Variants in RPS6KA6 observed in about 807,000 individuals in gnomAD.
RPS6KA6 encodes ribosomal protein S6 kinase A6.
A neutral mutation model predicts 65.4 loss-of-function variants in RPS6KA6; 27 were observed. That is an observed-to-expected ratio of 0.41 (90% CI 0.30 to 0.57). The LOEUF (loss-of-function observed/expected upper bound fraction) is 0.57. Ranked by LOEUF, RPS6KA6 falls within the 20% of genes least tolerant of loss-of-function variation. RPS6KA6 has a pLI of 0.24. For missense variants in RPS6KA6, 486 were observed against 555.6 expected (o/e 0.87, Z 1.26); for synonymous variants, 190 against 184.2 (o/e 1.03, Z -0.26).
At chrX:84,158,889 A>T (rs2035460486) in intron 2 of RPS6KA6, among the ~76,000 whole-genome samples, 2 of 111,590 alleles carry the variant, frequency 1.8e-5, no homozygotes, top group Non-Finnish European at 3.8e-5. Flanking sequence ...ATTGTGGTTC[A>T]GTAGAACTAC....
At chrX:84,167,472 A>T (rs1194878754) in intron 1 of RPS6KA6, among the ~76,000 whole-genome samples, 12 of 112,078 alleles carry the variant, frequency 1.1e-4, no homozygotes, top group Non-Finnish European at 3.8e-5. Context: ...TTCATGTATA[A>T]GATACTTTGA....
chrX:84,145,770 C>T (rs2035188119), intron 5 of RPS6KA6, among the ~76,000 whole-genome samples: 1 of 110,995 alleles, frequency 9.0e-6, no homozygotes, highest in African/African-American at 3.3e-5. Flanking sequence ...TGTGGCTTTA[C>T]ACAGAACTTC....
At chrX:84,117,585 G>T in intron 9 of RPS6KA6, 131 bp from the exon 10 acceptor site, 1 of 359,609 alleles carries the variant, frequency 2.8e-6, no homozygotes, top group Non-Finnish European at 4.6e-6. Flanking sequence ...AGATCAAAAT[G>T]GGACCAGAAA....
chrX:84,124,917 TAAAC>T (rs756363169), intron 8 of RPS6KA6, among the ~76,000 whole-genome samples: 1 of 111,464 alleles, frequency 9.0e-6, no homozygotes, highest in South Asian at 3.7e-4. Context: ...CAAGAGAAAA[TAAAC>T]AAATGACATA....
intron 6 of RPS6KA6, among the ~76,000 whole-genome samples, chrX:84,144,710 A>T (rs1328410694): frequency 9.0e-6 from 1 of 111,085 alleles, no homozygotes; most frequent in African/African-American, 3.3e-5. Context: ...CATATGATAC[A>T]ATCACTTGTA....
At chrX:84,156,907 A>G (rs1394828429) in intron 2 of RPS6KA6, among the ~76,000 whole-genome samples, 2 of 112,033 alleles carry the variant, frequency 1.8e-5, no homozygotes, top group East Asian at 2.8e-4. Flanking sequence ...TGACAGACGT[A>G]TATCACAAAA....
At chrX:84,129,636 C>T (rs2147500303) in intron 8 of RPS6KA6, among the ~76,000 whole-genome samples, 1 of 111,523 alleles carries the variant, frequency 9.0e-6, no homozygotes, top group South Asian at 3.7e-4. Context: ...GAAAATGTGG[C>T]ACTTATACAC....
chrX:84,087,789 A>G (rs1036359397), intron 20 of RPS6KA6, among the ~76,000 whole-genome samples: 7 of 111,353 alleles, frequency 6.3e-5, no homozygotes, highest in Admixed American at 4.8e-4. Flanking sequence ...TCTTTCCGGT[A>G]CCCCAATCAG....
chrX:84,088,780 C>T (rs1260167792), intron 20 of RPS6KA6, among the ~76,000 whole-genome samples: 3 of 112,359 alleles, frequency 2.7e-5, no homozygotes, highest in Non-Finnish European at 5.6e-5. Flanking sequence ...GGGGCCCTAC[C>T]TCAGGGAGAA....
Position 84,156,127 on chromosome X carries a change from T to G in RPS6KA6, c.206A>C (p.Asp69Ala). 4.2e-6 allele frequency: 5 copies of G among 1,200,944 alleles called. No homozygotes were observed. The highest frequency in any genetic ancestry group is 2.3e-4 in the Middle Eastern group (1 of 4,328). ...HHVKEGYEKA[D>A]PAQFELLKVL... ...CTTGAGCAACTCAAACTGTGCAGGA[T>G]CTGCTTTCTCATAGCCTTCCTTAAC... Residue 69 changes from aspartate (D) to alanine (A), a missense_variant, in exon 3 of 22, where the codon GAT becomes GCT. This residue lies in a region of RPS6KA6 where 106 missense variants were observed against 105.0 expected (regional missense o/e 1.01). Coordinates refer to ENST00000262752, the MANE Select transcript of RPS6KA6 (RefSeq NM_014496.5).
At chrX:84,078,623 T>C (rs1206122368) in intron 20 of RPS6KA6, among the ~76,000 whole-genome samples, 1 of 112,135 alleles carries the variant, frequency 8.9e-6, no homozygotes, top group Admixed American at 9.5e-5. Flanking sequence ...ACTATTGCTG[T>C]ACTTCAACAA....
At chrX:84,072,085 C>A (rs750851524) in intron 20 of RPS6KA6, among the ~76,000 whole-genome samples, 1 of 111,549 alleles carries the variant, frequency 9.0e-6, no homozygotes, top group African/African-American at 3.3e-5. Context: ...GCCAGAATAA[C>A]CCAACTGTTC....
chrX:84,103,580 A>G (rs1214275497), intron 17 of RPS6KA6, among the ~76,000 whole-genome samples: 1 of 111,162 alleles, frequency 9.0e-6, no homozygotes, highest in African/African-American at 3.3e-5. Flanking sequence ...TATGTGTCTT[A>G]TTAATTTAGT....
chrX:84,129,489 C>T (rs1419993274), intron 8 of RPS6KA6, among the ~76,000 whole-genome samples: 2 of 111,618 alleles, frequency 1.8e-5, no homozygotes, highest in Non-Finnish European at 3.8e-5. Context: ...ATTAATCCCA[C>T]TGCTGGGTAC....
chrX:84,066,898 C>T (rs977096951), intron 20 of RPS6KA6, among the ~76,000 whole-genome samples: 2 of 111,354 alleles, frequency 1.8e-5, no homozygotes, highest in Non-Finnish European at 3.8e-5. Flanking sequence ...AGGCTGGTGC[C>T]GCTCTGGGAC....
At position 84,085,952 on chromosome X, in the gene RPS6KA6, T is replaced by A. The variant is rs373816822; in HGVS notation, c.1971+10242A>T. 5.4e-5 allele frequency among the ~76,000 whole-genome samples: 6 copies of A among 112,103 alleles called. No homozygotes were observed. The South Asian group carries it at 2.2e-3, about 41-fold the overall frequency. On this transcript the variant is annotated intron_variant, in intron 20 of 21. Transcript: ENST00000262752. ...ATTATTCTAGATATTCTAGTTTATG[T>A]GCATAGAGGTGTTTATTCTCTGGTG...
intron 9 of RPS6KA6, among the ~76,000 whole-genome samples, chrX:84,118,934 C>T (rs1275360251): frequency 8.9e-6 from 1 of 111,878 alleles, no homozygotes; most frequent in Non-Finnish European, 1.9e-5. Context: ...AGCTTCACTT[C>T]CTCCACCTTT....
intron 8 of RPS6KA6, among the ~76,000 whole-genome samples, chrX:84,121,046 A>G (rs953670607): frequency 1.8e-5 from 2 of 112,250 alleles, no homozygotes; most frequent in African/African-American, 6.5e-5. Flanking sequence ...TTGAAAATGC[A>G]AATTTGTTCT....
intron 3 of RPS6KA6, among the ~76,000 whole-genome samples, chrX:84,148,668 T>G (rs748615208): frequency 5.4e-5 from 6 of 111,473 alleles, no homozygotes; most frequent in African/African-American, 2.0e-4. Context: ...TTTGTTACCT[T>G]AATAAAGAGC....
Sources: gnomAD v4.1 joint callset for allele counts (sites outside exome capture counted in the v4.1 genomes callset) on GRCh38, gnomAD v4.1.1 for gene constraint, gnomAD v4.1.1 regional missense constraint, MANE v1.5 for transcripts, NCBI Gene and HGNC (gene_info 2026-07-23, HGNC 2026-07-21) for gene names.